Variants in PAGE4 observed in about 807,000 individuals in gnomAD.
PAGE4 encodes PAGE family member 4, also known as P antigen family member 4.
PAGE4 carries 1 observed loss-of-function variant against 8.5 expected under a neutral mutation model. The observed-to-expected ratio is 0.12, with a 90% confidence interval of 0.04 to 0.56. The LOEUF (loss-of-function observed/expected upper bound fraction) is 0.56. Among genes scored for constraint, PAGE4 ranks in the 20% least tolerant of loss-of-function variants. The pLI is 0.91. For missense variants in PAGE4, 93 were observed against 82.7 expected, an observed-to-expected ratio of 1.13 and a Z score of -0.49; for synonymous variants, 26 against 26.3, an observed-to-expected ratio of 0.99 and a Z score of 0.04.
At chrX:49,829,274 T>A (rs1923400216), upstream of PAGE4, 1 of 111,443 alleles carries the variant, frequency 9.0e-6, no homozygotes, top group Admixed American at 9.5e-5. Flanking sequence ...ACTGCTGAGG[T>A]CTAAACAAGG....
intron 2 of PAGE4, 65 bp downstream of exon 2, chrX:49,830,571 A>G (rs1923446030): frequency 1.3e-6 from 1 of 784,341 alleles, no homozygotes; most frequent in Admixed American, 2.8e-5. Context: ...AAAATCTAAA[A>G]CATTGTTAAC....
chrX:49,831,535 T>C (rs1343298268), intron 3 of PAGE4, among the ~76,000 whole-genome samples: 1 of 112,213 alleles, frequency 8.9e-6, no homozygotes, highest in Non-Finnish European at 1.9e-5. Context: ...TCCTTTTAGT[T>C]ACCGTTAAAA....
Position 49,832,565 on chromosome X carries a change from A to G in PAGE4, c.207A>G (p.Glu69=), listed in dbSNP as rs782170161. ...VEGDCQEMDL[E]KTRSERGDGS... ...GTGATTGCCAGGAAATGGATCTGGA[A>G]AAGACTCGGAGTGAGCGTGGAGATG... The change falls in exon 4 of 5, where the codon GAA becomes GAG. Residue 69 remains glutamate, a synonymous_variant. Coordinates refer to ENST00000218068, the MANE Select transcript of PAGE4 (RefSeq NM_007003.4). The G allele has an allele frequency of 8.4e-7, 1 of 1,196,888 alleles. No individual in the cohort carries two copies. The highest frequency in any genetic ancestry group is 2.2e-5 in the Admixed American group (1 of 45,719).
rs1434001663 is a variant in PAGE4 at position 49,833,662 on chromosome X, C to T, written c.293-184C>T. Among the ~76,000 whole-genome samples, 4 of 111,913 alleles carry T rather than the reference C, an allele frequency of 3.6e-5. No homozygotes were observed. In the East Asian group the frequency reaches 1.1e-3, roughly 31 times the overall value. On this transcript the variant is annotated intron_variant, in intron 4 of 4. Transcript: ENST00000218068. ...GTTTCCTTGTACCACTAGAGTGAGGCATTTTAAAAATTAGTACACATATGC... is the reference window on the plus strand; with the variant it reads ...GTTTCCTTGTACCACTAGAGTGAGGTATTTTAAAAATTAGTACACATATGC...
intron 2 of PAGE4, chrX:49,830,751 T>C: frequency 7.0e-6 from 3 of 431,592 alleles, no homozygotes; most frequent in Non-Finnish European, 4.0e-6. Context: ...TATTAATAAA[T>C]AATACAGCCC....
intron 2 of PAGE4, 21 bp downstream of exon 2, chrX:49,830,527 T>A: frequency 9.4e-7 from 1 of 1,059,959 alleles, no homozygotes; most frequent in Non-Finnish European, 1.3e-6. Flanking sequence ...TTCAGTATCT[T>A]ATTTCCATTG....
rs1557156508 is a variant in PAGE4, at chrX:49,830,983, C to T, written c.79-14C>T. On this transcript the variant is annotated splice_polypyrimidine_tract_variant and intron_variant, in intron 2 of 4. Transcript: ENST00000218068. ...ATATTCTATTTGCATCTACTCTCCC[C>T]CACCTCTCAAAAGCCCGGTGAATCT... is the stretch of plus-strand genomic sequence containing the variant. 11 of 1,133,963 alleles carry T rather than the reference C, an allele frequency of 9.7e-6. No individual in the cohort carries two copies. The highest frequency in any genetic ancestry group is 1.9e-5 in the South Asian group (1 of 52,122). The allele number at this position is 1,133,963 out of a possible 1,213,427, so 93.5% of individuals were successfully genotyped here. A position where few individuals can be genotyped will look rare whatever the true frequency, so the allele number is the denominator to read the frequency against.
chrX:49,830,624 G>C (rs1190692037), intron 2 of PAGE4, 118 bp downstream of exon 2: 4 of 488,161 alleles, frequency 8.2e-6, no homozygotes, highest in African/African-American at 7.2e-5. Flanking sequence ...GCTGAAAATA[G>C]TTGCAAACTA....
At chrX:49,831,324 A>G (rs1274084340) in intron 3 of PAGE4, 1 of 336,500 alleles carries the variant, frequency 3.0e-6, no homozygotes, top group African/African-American at 2.7e-5. Context: ...CCAAGACTCT[A>G]TATTAGCAAA....
chrX:49,833,746 C>T, intron 4 of PAGE4, 100 bp from the exon 5 acceptor site: 4 of 583,388 alleles, frequency 6.9e-6, no homozygotes, highest in Non-Finnish European at 1.1e-5. Flanking sequence ...GTTTTAATTT[C>T]ATCTTAAGAA....
chrX:49,832,688 T>C lies in PAGE4; in HGVS notation c.292+38T>C, dbSNP rs782347505. 39 of 1,108,813 alleles carry C rather than the reference T, an allele frequency of 3.5e-5. No individual in the cohort carries two copies. The African/African-American group carries it at 4.4e-4, about 13-fold the overall frequency. The allele number at this position is 1,108,813 out of a possible 1,213,427, so 91.4% of individuals were successfully genotyped here. On this transcript the variant is annotated intron_variant, in intron 4 of 4. Coordinates refer to ENST00000218068, the MANE Select transcript of PAGE4 (RefSeq NM_007003.4). ...TTCGGAATGGAAGTCATGGGGTTAC[T>C]CTTTTTCTATAATATACTTTAATAA...
rs1471124079 is a variant in PAGE4 at position 49,832,525 on chromosome X, A to G, written c.167A>G (p.Glu56Gly). The change falls in exon 4 of 5, where the codon GAA (glutamate) becomes GGA (glycine). Residue 56 changes from glutamate (E) to glycine (G), a missense_variant and splice_region_variant. Glu to Gly is a moderately conservative substitution (Grantham distance 98). Coordinates refer to ENST00000218068, the MANE Select transcript of PAGE4 (RefSeq NM_007003.4). ...QEREGTPPIE[E>G]RKVEGDCQEM... ...TCAATAACTTTTTTATTTATATAAGAACGTAAAGTAGAAGGTGATTGCCAG... is the reference window on the plus strand; with the variant it reads ...TCAATAACTTTTTTATTTATATAAGGACGTAAAGTAGAAGGTGATTGCCAG... 1.7e-6 allele frequency: 2 copies of G among 1,163,013 alleles called. No homozygotes were observed. The highest frequency in any genetic ancestry group is 2.3e-6 in the Non-Finnish European group (2 of 859,848).
intron 4 of PAGE4, 70 bp downstream of exon 4, chrX:49,832,720 T>C: frequency 1.1e-6 from 1 of 931,158 alleles, no homozygotes; most frequent in Admixed American, 3.2e-5. Context: ...ATAACAAGTC[T>C]CGCATACAAA....
In PAGE4 at chrX:49,831,056, A is replaced by C; in HGVS notation, c.138A>C (p.Gln46His). 8.4e-7 allele frequency: 1 copy of C among 1,184,210 alleles called. No individual in the cohort carries two copies. Among genetic ancestry groups the C allele is most frequent in the Non-Finnish European group, 1.1e-6 (1 of 879,745 alleles). Residue 46 changes from glutamine (Q) to histidine (H), a missense_variant, in exon 3 of 5, where the codon CAA becomes CAC. By Grantham distance (24) the Gln-to-His change is conservative (BLOSUM62 0). Transcript: ENST00000218068. ...PTDNQDIEPGQEREGTPPIEE... is the reference protein window; with the variant it reads ...PTDNQDIEPGHEREGTPPIEE... ...ACAATCAGGATATTGAACCTGGACA[A>C]GAGAGAGAAGGAACACCTCCGATCG...
At chrX:49,829,726 C>G (rs1557156284) in intron 1 of PAGE4, 1 of 112,689 alleles carries the variant, frequency 8.9e-6, no homozygotes, top group Non-Finnish European at 1.9e-5. Flanking sequence ...GGTGAACTGC[C>G]GCGGAGCTGT....
chrX:49,832,184 A>G (rs1923497692), intron 3 of PAGE4, among the ~76,000 whole-genome samples: 1 of 111,761 alleles, frequency 8.9e-6, no homozygotes, highest in African/African-American at 3.2e-5. Flanking sequence ...CGGGTAATGT[A>G]CTAAGTGCTG....
At chrX:49,831,631 G>A (rs1224455690) in intron 3 of PAGE4, among the ~76,000 whole-genome samples, 1 of 111,789 alleles carries the variant, frequency 8.9e-6, no homozygotes, top group East Asian at 2.8e-4. Flanking sequence ...GACTTAAAAT[G>A]TAAGGAAAAG....
Position 49,830,384 on chromosome X carries a change from T to A in PAGE4, c.-30-15T>A. 1 of 903,453 alleles carries A rather than the reference T, an allele frequency of 1.1e-6. No homozygotes were observed. Among genetic ancestry groups the A allele is most frequent in the Non-Finnish European group, 1.6e-6 (1 of 635,622 alleles). The allele number at this position is 903,453 out of a possible 1,213,427, so 74.5% of individuals were successfully genotyped here. A position where few individuals can be genotyped will look rare whatever the true frequency, so the allele number is the denominator to read the frequency against. On this transcript the variant is annotated splice_polypyrimidine_tract_variant and intron_variant, in intron 1 of 4. Transcript: ENST00000218068. ...CATGGAAAGAGTCAAGTATAATTAC[T>A]CCTTTTTATTGCAGTCTTCAGTTCA...
Position 49,831,040 on chromosome X carries a change from A to G in PAGE4, c.122A>G (p.Asp41Gly). The G allele has an allele frequency of 8.4e-7, 1 of 1,194,239 alleles. No individual in the cohort carries two copies. The highest frequency in any genetic ancestry group is 1.1e-6 in the Non-Finnish European group (1 of 886,319). ...QQEEPPTDNQDIEPGQEREGT... is the reference protein window; with the variant it reads ...QQEEPPTDNQGIEPGQEREGT... ...GAGGAACCACCAACTGACAATCAGG[A>G]TATTGAACCTGGACAAGAGAGAGAA... Residue 41 changes from aspartate (D) to glycine (G), a missense_variant, in exon 3 of 5, where the codon GAT (aspartate) becomes GGT (glycine). Transcript: ENST00000218068.
Sources: allele counts gnomAD v4.1 joint callset (sites outside exome capture counted in the v4.1 genomes callset), GRCh38; gene constraint gnomAD v4.1.1; transcripts MANE v1.5; gene names NCBI Gene and HGNC (gene_info 2026-07-23, HGNC 2026-07-21).